AGMO: variants seen among roughly 807,000 people sequenced by gnomAD.
The protein encoded by AGMO is alkylglycerol monooxygenase.
A neutral mutation model predicts 60.2 loss-of-function variants in AGMO; 75 were observed. That is an observed-to-expected ratio of 1.25 (90% confidence interval 1.03 to 1.51). The LOEUF (loss-of-function observed/expected upper bound fraction) is 1.51, where lower values mean the gene tolerates loss of function less well. Among genes scored for constraint, AGMO ranks in the 40% most tolerant of loss-of-function variants. The probability of loss-of-function intolerance (pLI) is 0.00; values close to 1 mark genes in which losing one functional copy is unlikely to be tolerated. For missense variants in AGMO, 763 were observed against 525.5 expected (o/e 1.45, Z -4.42); for synonymous variants, 261 against 177.1 (o/e 1.47, Z -3.76).
intron 8 of AGMO, among the ~76,000 whole-genome samples, chr7:15,389,562 A>G (rs1283630693): frequency 2.0e-5 from 3 of 152,194 alleles, no homozygotes; most frequent in Non-Finnish European, 4.4e-5. Context: ...GTACGAGGAG[A>G]TAAAAATGCC....
chr7:15,166,832 G>C, the AGMO span, among the ~76,000 whole-genome samples: 1 of 152,094 alleles, frequency 6.6e-6, no homozygotes, highest in Admixed American at 6.5e-5. Flanking sequence ...TGAGAAAGTA[G>C]AACTTTGGCA....
chr7:15,550,703 AC>A (rs1784927673), intron 2 of AGMO, among the ~76,000 whole-genome samples: 1 of 146,028 alleles, frequency 6.8e-6, no homozygotes, highest in Non-Finnish European at 1.5e-5. Context: ...AGAGTCCAGG[AC>A]CAGATGGATT....
chr7:15,251,054 A>G (rs1170862724), intron 12 of AGMO, among the ~76,000 whole-genome samples: 2 of 152,140 alleles, frequency 1.3e-5, no homozygotes, highest in Admixed American at 1.3e-4. Context: ...ATTTTTATAC[A>G]GGCCTGTTTT....
intron 12 of AGMO, among the ~76,000 whole-genome samples, chr7:15,244,455 A>T (rs1403235348): frequency 1.3e-5 from 2 of 152,116 alleles, no homozygotes; most frequent in Non-Finnish European, 1.5e-5. Context: ...AAACACCATT[A>T]CCCGACTCCT....
intron 10 of AGMO, among the ~76,000 whole-genome samples, chr7:15,369,725 T>G (rs1783125992): frequency 6.6e-6 from 1 of 152,186 alleles, no homozygotes; most frequent in South Asian, 2.1e-4. Context: ...TGCTAGGATG[T>G]AAACTCAATG....
At position 15,322,725 on chromosome 7, in the gene AGMO, T is replaced by TATATATAAATATATATATAA. The variant is rs1554413755; in HGVS notation, c.1263+42788_1263+42789insTTATATATATATTTATATAT. ...GTATAAATATATATAAATATATAAA[T>TATATATAAATATATATATAA]ATATATATAAATATATAAATATATA... On this transcript the variant is annotated intron_variant, in intron 12 of 12. Transcript: ENST00000342526. Among the ~76,000 whole-genome samples the TATATATAAATATATATATAA allele has an allele frequency of 7.4e-4, 54 of 72,792 alleles. 8 individuals carry two copies. Among genetic ancestry groups the TATATATAAATATATATATAA allele is most frequent in the African/African-American group, 4.0e-3 (48 of 12,118 alleles). The allele number at this position is 72,792 out of a possible 152,430, so 47.8% of individuals were successfully genotyped here. A position where few individuals can be genotyped will look rare whatever the true frequency, so the allele number is the denominator to read the frequency against.
At chr7:15,341,321 A>G (rs189796640) in intron 12 of AGMO, among the ~76,000 whole-genome samples, 67 of 152,230 alleles carry the variant, frequency 4.4e-4, no homozygotes, top group Non-Finnish European at 6.9e-4. Flanking sequence ...ACCTTAAATC[A>G]TTTCTCTGAA....
At chr7:15,351,002 T>A (rs976419857) in intron 12 of AGMO, among the ~76,000 whole-genome samples, 15 of 152,140 alleles carry the variant, frequency 9.9e-5, no homozygotes, top group African/African-American at 3.1e-4. Flanking sequence ...TTTAAGAAAA[T>A]TTAGCTCACT....
At chr7:15,539,208 C>T (rs1050766587) in intron 3 of AGMO, among the ~76,000 whole-genome samples, 3 of 151,990 alleles carry the variant, frequency 2.0e-5, no homozygotes, top group Non-Finnish European at 4.4e-5. Context: ...AACAGTGTGT[C>T]ATGAGATTTG....
chr7:15,541,148 G>T (rs534294758), intron 3 of AGMO, among the ~76,000 whole-genome samples: 77 of 152,096 alleles, frequency 5.1e-4, no homozygotes, highest in Non-Finnish European at 9.9e-4. Flanking sequence ...TTGAGACGGG[G>T]TCTCGCTCTG....
At chr7:15,272,145 T>TA (rs1783630220) in intron 12 of AGMO, among the ~76,000 whole-genome samples, 2 of 151,806 alleles carry the variant, frequency 1.3e-5, no homozygotes, top group South Asian at 2.1e-4. Context: ...TTCTTTTTTT[T>TA]ATTATACTTT....
chr7:15,364,391 C>G (rs1223338377), intron 12 of AGMO, among the ~76,000 whole-genome samples: 1 of 152,018 alleles, frequency 6.6e-6, no homozygotes, highest in Non-Finnish European at 1.5e-5. Flanking sequence ...GGATACTTCA[C>G]AGAGAATCCT....
At chr7:15,392,527 G>A (rs573786466) in intron 6 of AGMO, among the ~76,000 whole-genome samples, 2 of 152,174 alleles carry the variant, frequency 1.3e-5, no homozygotes, top group Admixed American at 1.3e-4. Context: ...TAGGCTGGGT[G>A]CAGTGACTCA....
intron 6 of AGMO, among the ~76,000 whole-genome samples, chr7:15,391,106 A>T (rs1784119897): frequency 6.6e-6 from 1 of 152,104 alleles, no homozygotes; most frequent in African/African-American, 2.4e-5. Flanking sequence ...TATACTAAAA[A>T]GGGGAAGTGT....
intron 12 of AGMO, among the ~76,000 whole-genome samples, chr7:15,230,317 T>C (rs574804627): frequency 1.3e-5 from 2 of 152,280 alleles, no homozygotes; most frequent in East Asian, 1.9e-4. Flanking sequence ...TACAAGTTTA[T>C]TGGTTGTCTG....
At chr7:15,195,741 T>G (rs893472789), downstream of AGMO, among the ~76,000 whole-genome samples, 1 of 152,140 alleles carries the variant, frequency 6.6e-6, no homozygotes, top group African/African-American at 2.4e-5. Flanking sequence ...AGAAAATGAT[T>G]TAGGAGCTGC....
chr7:15,386,537 G>T (rs1281711641), intron 9 of AGMO, among the ~76,000 whole-genome samples: 1 of 152,164 alleles, frequency 6.6e-6, no homozygotes, highest in Admixed American at 6.5e-5. Flanking sequence ...AATGAATTGT[G>T]AACATAAACG....
the AGMO span, among the ~76,000 whole-genome samples, chr7:15,124,722 T>C: frequency 5.6e-4 from 85 of 152,108 alleles, no homozygotes; most frequent in African/African-American, 2.0e-3. Context: ...TTACCAGATT[T>C]TACATTTGAT....
At chr7:15,523,149 T>C (rs1304988795) in intron 3 of AGMO, among the ~76,000 whole-genome samples, 1 of 152,172 alleles carries the variant, frequency 6.6e-6, no homozygotes, top group Non-Finnish European at 1.5e-5. Context: ...TGAGATACCA[T>C]CTCACACCAG....
Sources: allele counts gnomAD v4.1 joint callset (sites outside exome capture counted in the v4.1 genomes callset), GRCh38; gene constraint gnomAD v4.1.1; transcripts MANE v1.5; gene names NCBI Gene and HGNC (gene_info 2026-07-23, HGNC 2026-07-21).